Variants in NMNAT2 observed in about 807,000 individuals in gnomAD.
NMNAT2 encodes the protein nicotinamide/nicotinic acid mononucleotide adenylyltransferase 2.
NMNAT2 carries 11 observed loss-of-function variants against 41.6 expected under a neutral mutation model. The ratio of observed to expected loss-of-function variants is 0.26; its 90% CI spans 0.17 to 0.44. The LOEUF is 0.44. Ranked by LOEUF, NMNAT2 falls within the 20% of genes least tolerant of loss-of-function variation. The pLI, the probability that NMNAT2 is intolerant of heterozygous loss-of-function variation, is 1.00. For missense variants in NMNAT2, 288 were observed against 407.7 expected (o/e 0.71, Z 2.53); for synonymous variants, 148 against 151.2 (o/e 0.98, Z 0.16).
intron 1 of NMNAT2, among the ~76,000 whole-genome samples, chr1:183,368,544 G>A (rs934785584): frequency 2.6e-5 from 4 of 152,140 alleles, no homozygotes; most frequent in African/African-American, 7.2e-5. Context: ...GAGCTCAACC[G>A]CTTACAAGGG....
intron 1 of NMNAT2, among the ~76,000 whole-genome samples, chr1:183,294,987 A>G (rs1661646904): frequency 6.6e-6 from 1 of 152,132 alleles, no homozygotes; most frequent in Non-Finnish European, 1.5e-5. Context: ...AGATCTCACC[A>G]TATTTGCTTC....
chr1:183,286,530 T>C, intron 5 of NMNAT2, 132 bp downstream of exon 5: 1 of 692,064 alleles, frequency 1.4e-6, no homozygotes, highest in Non-Finnish European at 2.3e-6. Context: ...CAGCACCTTA[T>C]TAAAAATACA....
chr1:183,410,679 A>G (rs917453546), intron 1 of NMNAT2, among the ~76,000 whole-genome samples: 1 of 151,556 alleles, frequency 6.6e-6, no homozygotes, highest in South Asian at 2.1e-4. Context: ...TTAATGCGCC[A>G]TGCTGTTGAG....
intron 1 of NMNAT2, among the ~76,000 whole-genome samples, chr1:183,309,555 G>C (rs549564445): frequency 1.3e-5 from 2 of 152,332 alleles, no homozygotes; most frequent in East Asian, 3.9e-4. Flanking sequence ...AAGGCCTACA[G>C]TAAGTGGAGA....
At chr1:183,404,201 C>T (rs1407588181) in intron 1 of NMNAT2, among the ~76,000 whole-genome samples, 5 of 150,234 alleles carry the variant, frequency 3.3e-5, no homozygotes, top group Admixed American at 6.7e-5. Context: ...CAGGTTCAAG[C>T]GATTTTCCTG....
chr1:183,353,307 T>C (rs1224090805), intron 1 of NMNAT2, among the ~76,000 whole-genome samples: 1 of 152,102 alleles, frequency 6.6e-6, no homozygotes, highest in Non-Finnish European at 1.5e-5. Flanking sequence ...TGCCCAGCCC[T>C]GAATACAACC....
At chr1:183,286,862 T>C in intron 4 of NMNAT2, 74 bp from the exon 5 acceptor site, 1 of 1,513,970 alleles carries the variant, frequency 6.6e-7, no homozygotes, top group Non-Finnish European at 8.9e-7. Context: ...CAAGTGGTCA[T>C]CTGCTTGTCC....
At chr1:183,386,869 G>A (rs1648264255) in intron 1 of NMNAT2, among the ~76,000 whole-genome samples, 1 of 152,002 alleles carries the variant, frequency 6.6e-6, no homozygotes, top group South Asian at 2.1e-4. Flanking sequence ...TTAGAGTAAT[G>A]ATAAAATTTT....
intron 10 of NMNAT2, among the ~76,000 whole-genome samples, chr1:183,260,000 T>A (rs1205609679): frequency 1.3e-5 from 2 of 152,240 alleles, no homozygotes; most frequent in African/African-American, 4.8e-5. Context: ...CCACTCAACA[T>A]TTCCACTTTG....
At chr1:183,293,247 T>A (rs1205757070) in intron 2 of NMNAT2, among the ~76,000 whole-genome samples, 1 of 152,162 alleles carries the variant, frequency 6.6e-6, no homozygotes, top group Non-Finnish European at 1.5e-5. Flanking sequence ...GAATGATGGG[T>A]GGAGCTCCTA....
chr1:183,282,167 T>C (rs1016762862), intron 7 of NMNAT2, among the ~76,000 whole-genome samples: 8 of 152,188 alleles, frequency 5.3e-5, no homozygotes, highest in Non-Finnish European at 1.0e-4. Flanking sequence ...CACACTGTCC[T>C]TTCTCCATCA....
intron 1 of NMNAT2, among the ~76,000 whole-genome samples, chr1:183,398,809 C>A (rs1162360835): frequency 6.6e-6 from 1 of 152,160 alleles, no homozygotes; most frequent in Non-Finnish European, 1.5e-5. Flanking sequence ...TCCTGAATGA[C>A]TACTGGGTAC....
At chr1:183,307,449 A>T (rs1662018751) in intron 1 of NMNAT2, among the ~76,000 whole-genome samples, 2 of 146,828 alleles carry the variant, frequency 1.4e-5, no homozygotes, top group African/African-American at 2.5e-5. Context: ...TGGAATGTAT[A>T]TTTTTTTTTT....
intron 10 of NMNAT2, among the ~76,000 whole-genome samples, chr1:183,256,029 T>G (rs1013371373): frequency 6.6e-6 from 1 of 151,834 alleles, no homozygotes; most frequent in Non-Finnish European, 1.5e-5. Flanking sequence ...TGGGCATTCT[T>G]GCTTTATATC....
At chr1:183,340,878 G>A (rs575399178) in intron 1 of NMNAT2, among the ~76,000 whole-genome samples, 2 of 152,334 alleles carry the variant, frequency 1.3e-5, no homozygotes, top group African/African-American at 4.8e-5. Flanking sequence ...GGATTTATAC[G>A]AAGGGTGGGG....
intron 1 of NMNAT2, among the ~76,000 whole-genome samples, chr1:183,308,239 A>T (rs1337227435): frequency 6.6e-6 from 1 of 152,188 alleles, no homozygotes; most frequent in Admixed American, 6.5e-5. Context: ...GGCCTTTAGG[A>T]TTCTGATGTG....
intron 1 of NMNAT2, among the ~76,000 whole-genome samples, chr1:183,301,502 G>C (rs1423678966): frequency 6.6e-6 from 1 of 152,230 alleles, no homozygotes; most frequent in Non-Finnish European, 1.5e-5. Context: ...CTGCCCCAAA[G>C]AAGGAGCCAA....
intron 1 of NMNAT2, among the ~76,000 whole-genome samples, chr1:183,322,911 C>T (rs1165515552): frequency 6.6e-6 from 1 of 152,094 alleles, no homozygotes; most frequent in African/African-American, 2.4e-5. Flanking sequence ...CTGGCTCTCA[C>T]AAACATCTCA....
At chr1:183,332,506 G>C (rs1662605776) in intron 1 of NMNAT2, among the ~76,000 whole-genome samples, 2 of 152,196 alleles carry the variant, frequency 1.3e-5, no homozygotes, top group South Asian at 4.1e-4. Context: ...ACCAAAGAGA[G>C]GGGGATAATG....
Sources: allele counts gnomAD v4.1 joint callset (sites outside exome capture counted in the v4.1 genomes callset), GRCh38; gene constraint gnomAD v4.1.1; transcripts MANE v1.5; gene names NCBI Gene and HGNC (gene_info 2026-07-23, HGNC 2026-07-21).